MAD1L1: variants seen among roughly 807,000 people sequenced by gnomAD.
The protein encoded by MAD1L1 is mitotic spindle assembly checkpoint protein MAD1.
A neutral mutation model predicts 96.9 loss-of-function variants in MAD1L1; 95 were observed. The observed-to-expected ratio is 0.98, with a 90% CI of 0.83 to 1.16. The LOEUF (loss-of-function observed/expected upper bound fraction) is 1.16, where lower values mean the gene tolerates loss of function less well. Among genes scored for constraint, MAD1L1 ranks in the 50% most tolerant of loss-of-function variants. The pLI, the probability that MAD1L1 is intolerant of heterozygous loss-of-function variation, is 0.00. For missense variants in MAD1L1, 1,007 were observed against 954.4 expected, an observed-to-expected ratio of 1.06 and a Z score of -0.73; for synonymous variants, 473 against 396.6, an observed-to-expected ratio of 1.19 and a Z score of -2.29.
At chr7:2,017,701 C>T (rs1046177571) in intron 12 of MAD1L1, among the ~76,000 whole-genome samples, 1 of 152,170 alleles carries the variant, frequency 6.6e-6, no homozygotes, top group African/African-American at 2.4e-5. Context: ...ACGCTCATTC[C>T]CTCATCAGCA....
chr7:2,145,341 A>T (rs1789244277), intron 11 of MAD1L1, among the ~76,000 whole-genome samples: 1 of 152,250 alleles, frequency 6.6e-6, no homozygotes, highest in Non-Finnish European at 1.5e-5. Context: ...AGTAAGTCCT[A>T]CACTGAGAGT....
At chr7:2,026,256 T>C (rs1281299507) in intron 12 of MAD1L1, among the ~76,000 whole-genome samples, 1 of 152,062 alleles carries the variant, frequency 6.6e-6, no homozygotes, top group African/African-American at 2.4e-5. Context: ...AAGGCAAAAT[T>C]CACCAGGAAG....
chr7:1,816,729 TGGAGAACGGGCAA>T (rs1310631025), intron 18 of MAD1L1, among the ~76,000 whole-genome samples: 3 of 152,082 alleles, frequency 2.0e-5, no homozygotes, highest in Non-Finnish European at 4.4e-5. Context: ...CTCCTGTAAC[TGGAGAACGGGCAA>T]GGAGGAGCTT....
chr7:2,120,215 A>G (rs1030746501), intron 11 of MAD1L1, among the ~76,000 whole-genome samples: 5 of 152,158 alleles, frequency 3.3e-5, no homozygotes, highest in Non-Finnish European at 5.9e-5. Flanking sequence ...CCTGTCCTTC[A>G]GGACCATTCC....
At chr7:1,959,236 G>A (rs1216149219) in intron 15 of MAD1L1, among the ~76,000 whole-genome samples, 2 of 152,122 alleles carry the variant, frequency 1.3e-5, no homozygotes, top group African/African-American at 4.8e-5. Context: ...CTGACAGAGC[G>A]AGGCCCTGTC....
chr7:2,092,914 C>A (rs1292121028), intron 11 of MAD1L1, among the ~76,000 whole-genome samples: 1 of 152,014 alleles, frequency 6.6e-6, no homozygotes, highest in Non-Finnish European at 1.5e-5. Context: ...GATCAGAGGG[C>A]CTTCTTCATG....
At chr7:1,973,327 G>A (rs900112869) in intron 15 of MAD1L1, among the ~76,000 whole-genome samples, 2 of 152,188 alleles carry the variant, frequency 1.3e-5, no homozygotes, top group African/African-American at 4.8e-5. Flanking sequence ...AGACCTGGGG[G>A]CAGAGTGGGA....
chr7:2,023,130 C>G (rs910344851), intron 12 of MAD1L1, among the ~76,000 whole-genome samples: 1 of 152,116 alleles, frequency 6.6e-6, no homozygotes, highest in East Asian at 1.9e-4. Flanking sequence ...GGACAGATCC[C>G]GCAGGCAGAA....
chr7:1,902,530 G>C (rs570864300), intron 17 of MAD1L1, among the ~76,000 whole-genome samples: 1 of 152,352 alleles, frequency 6.6e-6, no homozygotes, highest in South Asian at 2.1e-4. Context: ...ACGCAGATGA[G>C]AGCAAGCAGA....
intron 18 of MAD1L1, among the ~76,000 whole-genome samples, chr7:1,825,917 C>A (rs1287918955): frequency 1.3e-5 from 2 of 152,078 alleles, no homozygotes; most frequent in African/African-American, 2.4e-5. Context: ...GCGGTCGGCA[C>A]AGTCCCAGCC....
At chr7:1,931,059 C>CTCCT (rs1158068480) in intron 17 of MAD1L1, among the ~76,000 whole-genome samples, 1 of 134,278 alleles carries the variant, frequency 7.4e-6, no homozygotes, top group African/African-American at 2.7e-5. Flanking sequence ...GGGAACACCC[C>CTCCT]CAACTCCTCA....
At chr7:1,842,827 T>C (rs1047563470) in intron 18 of MAD1L1, among the ~76,000 whole-genome samples, 3 of 152,210 alleles carry the variant, frequency 2.0e-5, no homozygotes, top group South Asian at 2.1e-4. Flanking sequence ...GCGTCCCACA[T>C]GTCAGCCCCT....
chr7:1,870,137 G>C (rs1008493745), intron 18 of MAD1L1, among the ~76,000 whole-genome samples: 1 of 152,044 alleles, frequency 6.6e-6, no homozygotes. Context: ...CGGCAGGAAG[G>C]CTGTGCAGGT....
In MAD1L1 at chr7:2,103,854, G is replaced by A. The variant is rs909756717; in HGVS notation, c.1074-34516C>T. Among the ~76,000 whole-genome samples, 1 of 152,210 alleles carries A rather than the reference G, an allele frequency of 6.6e-6. No individual in the cohort carries two copies. Among genetic ancestry groups the A allele is most frequent in the Non-Finnish European group, 1.5e-5 (1 of 68,040 alleles). On this transcript the variant is annotated intron_variant, in intron 11 of 18. Coordinates refer to ENST00000265854, the MANE Select transcript of MAD1L1 (RefSeq NM_001013836.2). The surrounding 1 kb of genome is among the most constrained non-coding windows in gnomAD (Gnocchi z 4.3). ...GGTGTCCGGACTCTGGAGATGGGGT[G>A]GGAAAAGGCAAGGAATGCGGGGAGA...
intron 10 of MAD1L1, among the ~76,000 whole-genome samples, chr7:2,163,458 C>G (rs887148876): frequency 6.6e-6 from 1 of 152,202 alleles, no homozygotes; most frequent in Admixed American, 6.5e-5. Context: ...ACTGCAACCT[C>G]TGCCCCCCCG....
At chr7:1,979,628 G>A (rs942176212) in intron 15 of MAD1L1, among the ~76,000 whole-genome samples, 7 of 152,226 alleles carry the variant, frequency 4.6e-5, no homozygotes, top group Non-Finnish European at 8.8e-5. Flanking sequence ...AAAGCAGCCC[G>A]GCCTGCAGAC....
At chr7:2,197,425 C>T (rs376816737) in intron 10 of MAD1L1, among the ~76,000 whole-genome samples, 1 of 152,128 alleles carries the variant, frequency 6.6e-6, no homozygotes, top group African/African-American at 2.4e-5. Flanking sequence ...AGGAAGAAAC[C>T]CCACTGCTCT....
chr7:2,010,031 C>T (rs965820199), intron 13 of MAD1L1, among the ~76,000 whole-genome samples: 3 of 151,572 alleles, frequency 2.0e-5, no homozygotes, highest in Non-Finnish European at 4.4e-5. Flanking sequence ...TTCCATAAAC[C>T]CCTTGGCCCA....
chr7:2,167,202 G>A (rs1790472376), intron 10 of MAD1L1, among the ~76,000 whole-genome samples: 1 of 152,154 alleles, frequency 6.6e-6, no homozygotes, highest in Non-Finnish European at 1.5e-5. Context: ...GAAAACCAAG[G>A]GACTATGACT....
Sources: allele counts gnomAD v4.1 joint callset (sites outside exome capture counted in the v4.1 genomes callset), GRCh38; gene constraint gnomAD v4.1.1; non-coding constraint Gnocchi (gnomAD v3.1); transcripts MANE v1.5; gene names NCBI Gene and HGNC (gene_info 2026-07-23, HGNC 2026-07-21).